Variants in CLUL1 observed in about 807,000 individuals in gnomAD.
CLUL1 encodes the protein clusterin-like protein 1.
A neutral mutation model predicts 49.4 loss-of-function variants in CLUL1; 43 were observed. The ratio of observed to expected loss-of-function variants is 0.87; its 90% confidence interval spans 0.68 to 1.12. The LOEUF (loss-of-function observed/expected upper bound fraction) is 1.12, where lower values mean the gene tolerates loss of function less well. Ranked by LOEUF, CLUL1 falls within the 50% of genes most tolerant of loss-of-function variation. The pLI is 0.00. For missense variants in CLUL1, 486 were observed against 544.4 expected, an observed-to-expected ratio of 0.89 and a Z score of 1.07; for synonymous variants, 192 against 184.9, an observed-to-expected ratio of 1.04 and a Z score of -0.31.
chr18:598,478 G>A (rs1237393586), intron 1 of CLUL1: 3 of 398,504 alleles, frequency 7.5e-6, no homozygotes, highest in East Asian at 7.1e-5. Flanking sequence ...GGCTGCCTGA[G>A]TTCCTCTCTA....
intron 4 of CLUL1, among the ~76,000 whole-genome samples, chr18:620,685 A>G (rs532399119): frequency 5.3e-5 from 8 of 152,350 alleles, no homozygotes; most frequent in Middle Eastern, 6.8e-3. Context: ...TTTAACAGCT[A>G]TAGCTTGAAT....
At chr18:622,712 G>T (rs564373865) in intron 4 of CLUL1, among the ~76,000 whole-genome samples, 1 of 152,180 alleles carries the variant, frequency 6.6e-6, no homozygotes, top group Non-Finnish European at 1.5e-5. Context: ...AGAGATACTA[G>T]TTATTATACT....
At position 607,199 on chromosome 18, in the gene CLUL1, C is replaced by T. The variant is rs2072998113; in HGVS notation, c.-14+100C>T. ...CCAGAATGCAGTGACACGATCTCAG[C>T]TCACTGCAACTTCTGCCTCCCAGAT... On this transcript the variant is annotated intron_variant, in intron 2 of 9. Transcript: ENST00000692774. 1.5e-5 allele frequency: 10 copies of T among 666,974 alleles called. No homozygotes were observed. The South Asian group carries it at 1.6e-4, about 11-fold the overall frequency. 41.3% of individuals were successfully genotyped at this position (666,974 alleles called of 1,614,324 possible).
rs2074485446 is a variant in CLUL1, at chr18:645,813, ATAT to A, written c.1397+717_1397+719del. On this transcript the variant is annotated intron_variant, in intron 9 of 9. Transcript: ENST00000692774. ...TGTTTAAAAAAAAAAAAAAAAAAAT[ATAT>A]ATATATATATATATATATATATATA... 1.1e-3 allele frequency among the ~76,000 whole-genome samples: 62 copies of A among 57,022 alleles called. 1 individual carries two copies. The highest frequency in any genetic ancestry group is 1.3e-3 in the African/African-American group (17 of 13,052). The allele number at this position is 57,022 out of a possible 152,430, so 37.4% of individuals were successfully genotyped here.
chr18:632,444 T>A (rs1409555285), intron 6 of CLUL1, among the ~76,000 whole-genome samples: 1 of 152,184 alleles, frequency 6.6e-6, no homozygotes. Flanking sequence ...ATTTCTAATA[T>A]CTTTGAAACT....
At chr18:648,804 GCAC>G (rs1205956333) in intron 9 of CLUL1, among the ~76,000 whole-genome samples, 1 of 151,960 alleles carries the variant, frequency 6.6e-6, no homozygotes, top group South Asian at 2.1e-4. Flanking sequence ...TTACAGGTGT[GCAC>G]CACCACACTT....
chr18:624,119 G>T (rs1392389769), intron 4 of CLUL1, among the ~76,000 whole-genome samples: 2 of 152,192 alleles, frequency 1.3e-5, no homozygotes, highest in Non-Finnish European at 2.9e-5. Flanking sequence ...CAGGGCTGAG[G>T]CTCGCAGGGA....
chr18:612,182 T>C (rs890597598), intron 2 of CLUL1, among the ~76,000 whole-genome samples: 1 of 152,242 alleles, frequency 6.6e-6, no homozygotes, highest in African/African-American at 2.4e-5. Flanking sequence ...AGTGGCCTTT[T>C]AAAACCAGTG....
In CLUL1 at chr18:606,928, T is replaced by C. The variant is rs1598409598; in HGVS notation, c.-135-50T>C. Reference sequence around the variant, plus strand: ...GTGTTCATAGAATATTTGTAATAATTTTAGGCGGCTCCCTAAAATTTCTTT... The same window carrying C: ...GTGTTCATAGAATATTTGTAATAATCTTAGGCGGCTCCCTAAAATTTCTTT... On this transcript the variant is annotated intron_variant, in intron 1 of 9. Coordinates refer to ENST00000692774, the MANE Select transcript of CLUL1 (RefSeq NM_001393344.1). This position sits in a 1 kb window ranked among gnomAD's most constrained non-coding sequence, Gnocchi z 4.1. The C allele has an allele frequency of 1.7e-6, 1 of 590,834 alleles. No individual in the cohort carries two copies. Among genetic ancestry groups the C allele is most frequent in the East Asian group, 2.8e-5 (1 of 36,068 alleles). The allele number at this position is 590,834 out of a possible 1,614,324, so 36.6% of individuals were successfully genotyped here. A position where few individuals can be genotyped will look rare whatever the true frequency, so the allele number is the denominator to read the frequency against.
rs540603907 is a variant in CLUL1, at chr18:625,348, C to T, written c.423+316C>T. 3.3e-5 allele frequency among the ~76,000 whole-genome samples: 5 copies of T among 152,210 alleles called. No homozygotes were observed. In the East Asian group the frequency reaches 9.7e-4, roughly 29 times the overall value. On this transcript the variant is annotated intron_variant, in intron 5 of 9. Coordinates refer to ENST00000692774, the MANE Select transcript of CLUL1 (RefSeq NM_001393344.1). ...GCAGGGATCATATCTTATTTGTCTT[C>T]ACTTATGCATTGGTGGCATCCAGTA...
At chr18:629,824 C>G (rs1189517155) in intron 6 of CLUL1, among the ~76,000 whole-genome samples, 2 of 152,242 alleles carry the variant, frequency 1.3e-5, no homozygotes, top group Non-Finnish European at 2.9e-5. Flanking sequence ...CCCAGATGAG[C>G]AAATGTGGAC....
In CLUL1 at chr18:633,601, C is replaced by T. The variant is rs544449794; in HGVS notation, c.994+166C>T. On this transcript the variant is annotated intron_variant, in intron 7 of 9. Transcript: ENST00000692774. Reference sequence around the variant, plus strand: ...GAAGGGTGCGCCCTTACAGATGGAGCAATGGTGAGCGTGCACTTGCCAAGG... The same window carrying T: ...GAAGGGTGCGCCCTTACAGATGGAGTAATGGTGAGCGTGCACTTGCCAAGG... Among the ~76,000 whole-genome samples the T allele has an allele frequency of 2.6e-5, 4 of 152,290 alleles. No individual in the cohort carries two copies. In the South Asian group the frequency reaches 8.3e-4, roughly 32 times the overall value.
At chr18:628,772 C>T (rs1445545155) in intron 6 of CLUL1, among the ~76,000 whole-genome samples, 1 of 151,372 alleles carries the variant, frequency 6.6e-6, no homozygotes, top group Admixed American at 6.6e-5. Flanking sequence ...GTGGGGATTA[C>T]AGGTGCCCGC....
intron 2 of CLUL1, among the ~76,000 whole-genome samples, chr18:609,150 G>T (rs1386528360): frequency 6.6e-6 from 1 of 152,106 alleles, no homozygotes; most frequent in Non-Finnish European, 1.5e-5. Context: ...TAGCCTGAAG[G>T]TAAATTTACA....
chr18:599,854 A>G lies in CLUL1; in HGVS notation c.-136+2725A>G, dbSNP rs2072770969. Among the ~76,000 whole-genome samples, 4 of 151,924 alleles carry G rather than the reference A, an allele frequency of 2.6e-5. No individual in the cohort carries two copies. In the South Asian group the frequency reaches 6.2e-4, roughly 24 times the overall value. On this transcript the variant is annotated intron_variant, in intron 1 of 9. Transcript: ENST00000692774. ...TCCCAGCTACTCAGGAGGCTGAGGC[A>G]GGAGAATGGTGTGAACCCGGGAGGC...
rs1013132459 is a variant in CLUL1 at position 606,129 on chromosome 18, A to G, written c.-135-849A>G. On this transcript the variant is annotated intron_variant, in intron 1 of 9. Transcript: ENST00000692774. This position sits in a 1 kb window ranked among gnomAD's most constrained non-coding sequence, Gnocchi z 4.1. ...GTCCTCCCCTAAGGGTGGCAGGAAG[A>G]ACACCCCTCCCCCAGATGGTATTTA... 6.6e-6 allele frequency among the ~76,000 whole-genome samples: 1 copy of G among 152,212 alleles called. No individual in the cohort carries two copies. Among genetic ancestry groups the G allele is most frequent in the African/African-American group, 2.4e-5 (1 of 41,456 alleles).
chr18:644,897 C>A lies in CLUL1; in HGVS notation c.1210-13C>A. On this transcript the variant is annotated splice_polypyrimidine_tract_variant and intron_variant, in intron 8 of 9. Transcript: ENST00000692774. ...ATTTAGTAAACTTCTACTGTATAATCCTTCTTCTGTAGGTAGTTCCAAGGA... is the reference window on the plus strand; with the variant it reads ...ATTTAGTAAACTTCTACTGTATAATACTTCTTCTGTAGGTAGTTCCAAGGA... 1.3e-6 allele frequency: 2 copies of A among 1,592,922 alleles called. No individual in the cohort carries two copies. Among genetic ancestry groups the A allele is most frequent in the Non-Finnish European group, 1.7e-6 (2 of 1,165,024 alleles).
At chr18:611,420 C>T (rs1204758437) in intron 2 of CLUL1, among the ~76,000 whole-genome samples, 1 of 151,922 alleles carries the variant, frequency 6.6e-6, no homozygotes, top group Non-Finnish European at 1.5e-5. Flanking sequence ...TAGGAGGGCT[C>T]AGGCATGGTG....
chr18:607,004 T>A lies in CLUL1; in HGVS notation c.-109T>A, dbSNP rs900747380. ...GTTGCGTCCCTCTCGGTTGCCAGGC[T>A]GGAGTTCAGTGGCATGTTCATAGCT... is the stretch of plus-strand genomic sequence containing the variant. On this transcript the variant is annotated 5_prime_UTR_variant, in exon 2 of 10. Transcript: ENST00000692774. 2 of 664,316 alleles carry A rather than the reference T, an allele frequency of 3.0e-6. No homozygotes were observed. Among genetic ancestry groups the A allele is most frequent in the African/African-American group, 3.6e-5 (2 of 55,210 alleles). The allele number at this position is 664,316 out of a possible 1,614,324, so 41.2% of individuals were successfully genotyped here.
Sources: gnomAD v4.1 joint callset for allele counts (sites outside exome capture counted in the v4.1 genomes callset) on GRCh38, gnomAD v4.1.1 for gene constraint, Gnocchi (gnomAD v3.1) non-coding constraint, MANE v1.5 for transcripts, NCBI Gene and HGNC (gene_info 2026-07-23, HGNC 2026-07-21) for gene names.